The following DPP6 variants were observed in gnomAD, a reference collection of about 807,000 sequenced individuals.
DPP6 encodes the protein A-type potassium channel modulatory protein DPP6.
In DPP6, 69 loss-of-function variants were observed where a neutral mutation model predicts 122.6. That is an observed-to-expected ratio of 0.56 (90% CI 0.46 to 0.69). The LOEUF (loss-of-function observed/expected upper bound fraction) is 0.69, where lower values mean the gene tolerates loss of function less well. DPP6 is among the 30% of genes least tolerant of loss of function. The pLI is 0.00. For synonymous variants in DPP6, 418 were observed against 433.1 expected (o/e 0.97, Z 0.43); for missense variants, 928 against 1,116.9 (o/e 0.83, Z 2.41).
Position 154,446,203 on chromosome 7 carries a change from G to T in DPP6, c.244-11G>T, listed in dbSNP as rs188217987. 3.6e-5 allele frequency: 57 copies of T among 1,563,176 alleles called. No individual in the cohort carries two copies. In the East Asian group the frequency reaches 1.0e-3, roughly 28 times the overall value. Reference sequence around the variant, plus strand: ...ACTCACTGGGGTTTTCTTTGTTGTTGCTGTTTTTAGGAGCTGGTGGGGAGT... The same window carrying T: ...ACTCACTGGGGTTTTCTTTGTTGTTTCTGTTTTTAGGAGCTGGTGGGGAGT... On this transcript the variant is annotated splice_polypyrimidine_tract_variant and intron_variant, in intron 1 of 25. Transcript: ENST00000377770.
chr7:154,346,694 A>G (rs1327663997), intron 1 of DPP6, among the ~76,000 whole-genome samples: 1 of 152,178 alleles, frequency 6.6e-6, no homozygotes, highest in Admixed American at 6.5e-5. Context: ...CATTAATCCT[A>G]TCACTGAGAG....
chr7:154,177,174 C>T (rs183846917), intron 1 of DPP6, among the ~76,000 whole-genome samples: 4 of 152,252 alleles, frequency 2.6e-5, no homozygotes, highest in South Asian at 2.1e-4. Context: ...GTTGTCTTTG[C>T]ATCTCCCGCA....
At position 153,919,427 on chromosome 7, in the gene DPP6, C is replaced by A. The variant is rs1213537118; in HGVS notation, c.51+31693C>A. Among the ~76,000 whole-genome samples, 3 of 152,170 alleles carry A rather than the reference C, an allele frequency of 2.0e-5. 1 individual carries two copies. In the South Asian group the frequency reaches 6.2e-4, roughly 32 times the overall value. On this transcript the variant is annotated intron_variant, in intron 1 of 25. Transcript: ENST00000404039. ...ACCCAGGCTCATTCTTGGCCTCATG[C>A]ATGTGAGTCCTTAAACACCAGTTTG... is the stretch of plus-strand genomic sequence containing the variant.
intron 1 of DPP6, among the ~76,000 whole-genome samples, chr7:154,389,820 A>G (rs1472783881): frequency 6.6e-6 from 1 of 152,252 alleles, no homozygotes; most frequent in Non-Finnish European, 1.5e-5. Flanking sequence ...TTATTCCTAA[A>G]AGGATTAAAT....
chr7:153,949,481 C>T (rs59436621), intron 1 of DPP6, among the ~76,000 whole-genome samples: 21,130 of 152,164 alleles, frequency 0.14, 1,460 homozygotes, highest in Middle Eastern at 0.16. Flanking sequence ...TCCGAGATCC[C>T]TCTGCTACTT....
At chr7:153,918,524 AACACACACACACACACACAC>A (rs71182852) in intron 1 of DPP6, among the ~76,000 whole-genome samples, 3 of 77,436 alleles carry the variant, frequency 3.9e-5, no homozygotes, top group Admixed American at 1.4e-4. Context: ...AGGTAATTAA[AACACACACACACACACACAC>A]ACACACACAC....
intron 1 of DPP6, among the ~76,000 whole-genome samples, chr7:154,181,963 A>G (rs1400850930): frequency 6.6e-6 from 1 of 152,046 alleles, no homozygotes. Context: ...CATGTTGATC[A>G]GGCTGGTCTC....
At chr7:154,402,291 A>G (rs1455260119) in intron 1 of DPP6, among the ~76,000 whole-genome samples, 1 of 152,026 alleles carries the variant, frequency 6.6e-6, no homozygotes, top group Non-Finnish European at 1.5e-5. Flanking sequence ...ATAAAGACAC[A>G]TGCACACGTA....
intron 3 of DPP6, among the ~76,000 whole-genome samples, chr7:154,524,476 G>A (rs1173201837): frequency 6.6e-6 from 1 of 152,152 alleles, no homozygotes; most frequent in Non-Finnish European, 1.5e-5. Context: ...GGAACTCCAC[G>A]TATCTCATGG....
At chr7:154,118,452 T>C (rs1457762200) in intron 1 of DPP6, among the ~76,000 whole-genome samples, 64 of 144,660 alleles carry the variant, frequency 4.4e-4, no homozygotes, top group African/African-American at 1.6e-3. Context: ...TCCCAGATAG[T>C]AGTGAGGAGA....
intron 1 of DPP6, among the ~76,000 whole-genome samples, chr7:154,279,205 G>T (rs1227612647): frequency 6.6e-6 from 1 of 152,064 alleles, no homozygotes; most frequent in Non-Finnish European, 1.5e-5. Flanking sequence ...GTGAGTATGT[G>T]AGTATATGGT....
At chr7:153,895,259 G>C (rs1420620099) in intron 1 of DPP6, among the ~76,000 whole-genome samples, 1 of 152,220 alleles carries the variant, frequency 6.6e-6, no homozygotes, top group Admixed American at 6.5e-5. Context: ...ATAGAAGAAA[G>C]CTGAAGGCTG....
chr7:154,589,144 A>G (rs963810672), intron 5 of DPP6, among the ~76,000 whole-genome samples: 2 of 152,214 alleles, frequency 1.3e-5, no homozygotes, highest in Admixed American at 1.3e-4. Context: ...ATTCAATACC[A>G]TTTGAGCAGG....
At chr7:154,800,786 T>C (rs576441028) in intron 12 of DPP6, among the ~76,000 whole-genome samples, 21 of 152,362 alleles carry the variant, frequency 1.4e-4, no homozygotes, top group Non-Finnish European at 2.9e-5. Context: ...TCCTTGTGTT[T>C]ATTTTCTTTT....
At chr7:154,077,674 T>C (rs780734638) in intron 1 of DPP6, among the ~76,000 whole-genome samples, 1 of 133,320 alleles carries the variant, frequency 7.5e-6, no homozygotes, top group Non-Finnish European at 1.7e-5. Context: ...ATTATTATTA[T>C]TATTTTTTTT....
the DPP6 span, among the ~76,000 whole-genome samples, chr7:153,840,472 G>C: frequency 6.7e-6 from 1 of 149,848 alleles, no homozygotes; most frequent in Admixed American, 6.7e-5. Flanking sequence ...AATTTTCTGA[G>C]AGCAGAATAA....
chr7:154,235,918 T>G (rs1328541674), intron 1 of DPP6, among the ~76,000 whole-genome samples: 1 of 152,184 alleles, frequency 6.6e-6, no homozygotes, highest in African/African-American at 2.4e-5. Context: ...GGTGGTGCAA[T>G]CTTGGCTCAC....
intron 5 of DPP6, among the ~76,000 whole-genome samples, chr7:154,568,141 C>G (rs913328193): frequency 2.6e-5 from 4 of 152,218 alleles, no homozygotes; most frequent in African/African-American, 7.2e-5. Flanking sequence ...TACCTAGACA[C>G]AGCCTTAAAC....
the DPP6 span, among the ~76,000 whole-genome samples, chr7:153,855,346 C>G: frequency 0.12 from 18,636 of 152,076 alleles, 1,240 homozygotes; most frequent in African/African-American, 0.17. Context: ...AGGATCCACT[C>G]ATTAACTTAT....
Sources: gnomAD v4.1 joint callset for allele counts (sites outside exome capture counted in the v4.1 genomes callset) on GRCh38, gnomAD v4.1.1 for gene constraint, MANE v1.5 for transcripts, NCBI Gene and HGNC (gene_info 2026-07-23, HGNC 2026-07-21) for gene names.